Variants in LRRK1 observed in about 807,000 individuals in gnomAD.
The protein encoded by LRRK1 is leucine-rich repeat serine/threonine-protein kinase 1.
A neutral mutation model predicts 209.1 loss-of-function variants in LRRK1; 113 were observed. That is an observed-to-expected ratio of 0.54 (90% CI 0.46 to 0.63). The LOEUF is 0.63. LRRK1 is among the 30% of genes least tolerant of loss of function. The pLI is 0.00. For synonymous variants in LRRK1, 1,144 were observed against 1,099.7 expected (o/e 1.04, Z -0.80); for missense variants, 2,284 against 2,632.2 (o/e 0.87, Z 2.89).
At chr15:100,982,647 T>C (rs2031666087) in intron 3 of LRRK1, among the ~76,000 whole-genome samples, 2 of 152,236 alleles carry the variant, frequency 1.3e-5, no homozygotes, top group Non-Finnish European at 2.9e-5. Context: ...GGAGGATCTT[T>C]GTCCCAGGAT....
In LRRK1 at chr15:100,959,967, C is replaced by A. The variant is rs7180121; in HGVS notation, c.98-13837C>A. 5.6e-3 allele frequency among the ~76,000 whole-genome samples: 849 copies of A among 152,274 alleles called. 5 individuals are homozygous for A. Among genetic ancestry groups the A allele is most frequent in the African/African-American group, 0.02 (816 of 41,540 alleles). On this transcript the variant is annotated intron_variant, in intron 2 of 33. Transcript: ENST00000388948. ...TTGAGACATTTTCTTCCTTTCCTTG[C>A]ACTCATTTTTGTTGGGAGGAAGTTA...
chr15:101,025,318 A>T (rs1027495035), intron 16 of LRRK1, among the ~76,000 whole-genome samples: 1 of 152,072 alleles, frequency 6.6e-6, no homozygotes, highest in Non-Finnish European at 1.5e-5. Context: ...CCAACTCAGC[A>T]CCCTCCGTGG....
At chr15:100,950,094 G>A (rs1048476834) in intron 2 of LRRK1, among the ~76,000 whole-genome samples, 6 of 152,184 alleles carry the variant, frequency 3.9e-5, no homozygotes, top group Non-Finnish European at 8.8e-5. Flanking sequence ...CATACTGTAC[G>A]TAGAATATTC....
Position 101,062,656 on chromosome 15 carries a change from T to A in LRRK1, c.4880T>A (p.Val1627Asp). Residue 1627 changes from valine to aspartate, a missense_variant, in exon 31 of 34, where the codon GTC becomes GAC. Physicochemically the swap from Val to Asp is radical, Grantham distance 152. This residue lies in a region of LRRK1 where 643 missense variants were observed against 695.9 expected (regional missense o/e 0.92). Transcript: ENST00000388948. ...PQQALDTPAV[V>D]TCFLAVPVIK... ...CAGGCCTTGGATACTCCAGCTGTCG[T>A]CACCTGCTTCTTGGCCGTGCCTGTT... The A allele has an allele frequency of 1.2e-6, 2 of 1,614,124 alleles. No individual in the cohort carries two copies. The highest frequency in any genetic ancestry group is 1.7e-6 in the Non-Finnish European group (2 of 1,179,958).
intron 2 of LRRK1, among the ~76,000 whole-genome samples, chr15:100,968,220 G>T (rs1366952295): frequency 6.6e-6 from 1 of 152,064 alleles, no homozygotes; most frequent in East Asian, 1.9e-4. Context: ...TTGTTGAGTA[G>T]TTACTGTACC....
chr15:101,062,401 G>A (rs1301959385), intron 30 of LRRK1, 173 bp from the exon 31 acceptor site: 13 of 565,944 alleles, frequency 2.3e-5, no homozygotes, highest in Middle Eastern at 3.6e-4. Flanking sequence ...CTTTTTCAAC[G>A]TTTCTACAAA....
At chr15:100,964,022 G>T (rs1336278612) in intron 2 of LRRK1, among the ~76,000 whole-genome samples, 2 of 152,132 alleles carry the variant, frequency 1.3e-5, no homozygotes, top group African/African-American at 4.8e-5. Flanking sequence ...CTAGTGATTT[G>T]GTGAGTATAT....
chr15:100,983,345 C>G (rs972390778), intron 3 of LRRK1, among the ~76,000 whole-genome samples, 183 bp from the exon 4 acceptor site: 7 of 152,232 alleles, frequency 4.6e-5, no homozygotes, highest in African/African-American at 1.4e-4. Context: ...ATTTTATACT[C>G]TCCACCTCTC....
rs745888917 is a variant in LRRK1 at position 101,012,154 on chromosome 15, AAT to A, written c.1419+11_1419+12del. On this transcript the variant is annotated intron_variant, in intron 10 of 33. Transcript: ENST00000388948. ...GACTTTTCCAGCTTGATGTAAGCCTAATAGCCCTTTCTTTCTCATTTTCGGCT... is the reference window on the plus strand; with the variant it reads ...GACTTTTCCAGCTTGATGTAAGCCTAAGCCCTTTCTTTCTCATTTTCGGCT... 8 of 1,589,382 alleles carry A rather than the reference AAT, an allele frequency of 5.0e-6. No individual in the cohort carries two copies. The South Asian group carries it at 9.3e-5, about 18-fold the overall frequency.
At chr15:101,042,840 T>G (rs36113423) in intron 20 of LRRK1, among the ~76,000 whole-genome samples, 58,872 of 152,166 alleles carry the variant, frequency 0.39, 11,803 homozygotes, top group Non-Finnish European at 0.44. Context: ...GTTGGCTTCT[T>G]CTTTCCTCCT....
At position 101,025,883 on chromosome 15, in the gene LRRK1, G is replaced by C; in HGVS notation, c.2233-82G>C. 3 of 1,479,694 alleles carry C rather than the reference G, an allele frequency of 2.0e-6. No individual in the cohort carries two copies. The South Asian group carries it at 3.7e-5, about 18-fold the overall frequency. The allele number at this position is 1,479,694 out of a possible 1,614,324, so 91.7% of individuals were successfully genotyped here. On this transcript the variant is annotated intron_variant, in intron 16 of 33. Coordinates refer to ENST00000388948, the MANE Select transcript of LRRK1 (RefSeq NM_024652.6). ...AAGGGCCGTGGCATCCAGGGTCAGC[G>C]CACCTGCACAGCTGGGAGCTCTGTC...
chr15:101,062,655 G>C lies in LRRK1; in HGVS notation c.4879G>C (p.Val1627Leu). 6.2e-7 allele frequency: 1 copy of C among 1,614,072 alleles called. No individual in the cohort carries two copies. The highest frequency in any genetic ancestry group is 8.5e-7 in the Non-Finnish European group (1 of 1,179,912). The change falls in exon 31 of 34, where the codon GTC (valine) becomes CTC (leucine). Residue 1627 changes from valine (V) to leucine (L), a missense_variant. This residue lies in a region of LRRK1 where 643 missense variants were observed against 695.9 expected (regional missense o/e 0.92). Coordinates refer to ENST00000388948, the MANE Select transcript of LRRK1 (RefSeq NM_024652.6). Reference sequence around the variant, plus strand: ...ACAGGCCTTGGATACTCCAGCTGTCGTCACCTGCTTCTTGGCCGTGCCTGT... The same window carrying C: ...ACAGGCCTTGGATACTCCAGCTGTCCTCACCTGCTTCTTGGCCGTGCCTGT... ...PQQALDTPAV[V>L]TCFLAVPVIK...
At chr15:100,962,635 A>T (rs1451755078) in intron 2 of LRRK1, among the ~76,000 whole-genome samples, 1 of 151,016 alleles carries the variant, frequency 6.6e-6, no homozygotes, top group Non-Finnish European at 1.5e-5. Flanking sequence ...CTAAACAGAG[A>T]CAGGGAGAGG....
intron 20 of LRRK1, among the ~76,000 whole-genome samples, chr15:101,034,802 C>T (rs2034430667): frequency 6.6e-6 from 1 of 151,596 alleles, no homozygotes; most frequent in Non-Finnish European, 1.5e-5. Context: ...ACTTTTTATT[C>T]CTGATTAACT....
chr15:100,998,928 A>G (rs1192404501), intron 6 of LRRK1, among the ~76,000 whole-genome samples: 1 of 152,136 alleles, frequency 6.6e-6, no homozygotes, highest in Non-Finnish European at 1.5e-5. Flanking sequence ...GAATGGGTGG[A>G]TGGTTGAAAT....
intron 13 of LRRK1, 24 bp downstream of exon 13, chr15:101,021,206 G>A (rs1285990555): frequency 5.6e-6 from 9 of 1,613,102 alleles, no homozygotes; most frequent in South Asian, 2.2e-5. Flanking sequence ...TGGAGGGGCC[G>A]TGCTGGCTCT....
intron 19 of LRRK1, among the ~76,000 whole-genome samples, chr15:101,028,165 G>A (rs574428809): frequency 2.1e-4 from 32 of 152,320 alleles, no homozygotes; most frequent in Non-Finnish European, 4.0e-4. Flanking sequence ...TAGCAAATAC[G>A]GAACCAGTGC....
In LRRK1 at chr15:101,009,017, G is replaced by A. The variant is rs766132517; in HGVS notation, c.943G>A (p.Gly315Arg). The change falls in exon 7 of 34, where the codon GGG (glycine) becomes AGG (arginine). Residue 315 changes from glycine (G) to arginine (R), a missense_variant. By Grantham distance (125) the Gly-to-Arg change is moderately radical. Transcript: ENST00000388948. Reference sequence around the variant, plus strand: ...GCTGAACCTCTCCGACAACCACCTGGGGGAGCTGCCTGGCGTGCAGTCATC... The same window carrying A: ...GCTGAACCTCTCCGACAACCACCTGAGGGAGCTGCCTGGCGTGCAGTCATC... ...RKLNLSDNHL[G>R]ELPGVQSSDE... The A allele has an allele frequency of 3.1e-6, 5 of 1,614,174 alleles. No individual in the cohort carries two copies. In the East Asian group the frequency reaches 1.1e-4, roughly 36 times the overall value.
chr15:100,978,717 G>T (rs926799807), intron 3 of LRRK1, among the ~76,000 whole-genome samples: 1 of 152,124 alleles, frequency 6.6e-6, no homozygotes, highest in Non-Finnish European at 1.5e-5. Context: ...TGCATAATTT[G>T]AATAGCCTTT....
Sources: gnomAD v4.1 joint callset for allele counts (sites outside exome capture counted in the v4.1 genomes callset) on GRCh38, gnomAD v4.1.1 for gene constraint, gnomAD v4.1.1 regional missense constraint, MANE v1.5 for transcripts, NCBI Gene and HGNC (gene_info 2026-07-23, HGNC 2026-07-21) for gene names.